DAB1: variants seen among roughly 807,000 people sequenced by gnomAD.
DAB1 encodes the protein DAB adaptor protein 1.
In DAB1, 15 loss-of-function variants were observed where a neutral mutation model predicts 64.6. The observed-to-expected ratio is 0.23, with a 90% CI of 0.16 to 0.36. The LOEUF (loss-of-function observed/expected upper bound fraction) is 0.36, where lower values mean the gene tolerates loss of function less well. DAB1 is among the 10% of genes least tolerant of loss of function. DAB1 has a pLI of 1.00. For synonymous variants in DAB1, 235 were observed against 251.9 expected (o/e 0.93, Z 0.64); for missense variants, 596 against 706.7 (o/e 0.84, Z 1.78).
At chr1:57,208,579 C>G (rs2100318747) in intron 2 of DAB1, among the ~76,000 whole-genome samples, 1 of 152,310 alleles carries the variant, frequency 6.6e-6, no homozygotes, top group South Asian at 2.1e-4. Flanking sequence ...GTACCTCAAC[C>G]ATCTCTGTAG....
intron 5 of DAB1, among the ~76,000 whole-genome samples, chr1:58,047,564 T>A (rs192188359): frequency 6.6e-6 from 1 of 152,204 alleles, no homozygotes; most frequent in Non-Finnish European, 1.5e-5. Flanking sequence ...ATTGAAAGCA[T>A]AGATACTAAT....
intron 1 of DAB1, among the ~76,000 whole-genome samples, chr1:57,422,436 A>G (rs1388104873): frequency 1.3e-5 from 2 of 151,508 alleles, no homozygotes. Flanking sequence ...CAAGCCCTAC[A>G]TCGCCCCTCT....
chr1:57,679,990 G>GA (rs1020528987), intron 6 of DAB1, among the ~76,000 whole-genome samples: 1 of 152,196 alleles, frequency 6.6e-6, no homozygotes, highest in Non-Finnish European at 1.5e-5. Context: ...GTAAATAGGT[G>GA]AATGGGAATT....
chr1:58,127,416 T>G (rs1318968884), intron 5 of DAB1, among the ~76,000 whole-genome samples: 1 of 151,296 alleles, frequency 6.6e-6, no homozygotes, highest in East Asian at 1.9e-4. Context: ...GGTTGCCTGT[T>G]CACTCTGATG....
rs549696144 is a variant in DAB1, at chr1:57,566,330, T to C, written n.625+83262A>G. Among the ~76,000 whole-genome samples the C allele has an allele frequency of 1.8e-4, 28 of 152,210 alleles. No homozygotes were observed. In the South Asian group the frequency reaches 5.6e-3, roughly 31 times the overall value. ...TGCCCAAAAGAGAAAGGAGGAAAGATCTAAAATTGACAACCTAACATCACA... is the reference window on the plus strand; with the variant it reads ...TGCCCAAAAGAGAAAGGAGGAAAGACCTAAAATTGACAACCTAACATCACA... On this transcript the variant is annotated intron_variant and non_coding_transcript_variant, in intron 7 of 20. Transcript: ENST00000485760.
rs557130584 is a variant in DAB1 at position 58,489,808 on chromosome 1, C to T, written n.257+16252G>A. On this transcript the variant is annotated intron_variant and non_coding_transcript_variant, in intron 3 of 20. Transcript: ENST00000485760. ...CCAATATCCGCTGTTCTGCAGCCTC[C>T]GCTGCTGATATCCAGGCAAACAGGG... Among the ~76,000 whole-genome samples, 11 of 152,330 alleles carry T rather than the reference C, an allele frequency of 7.2e-5. No homozygotes were observed. In the East Asian group the frequency reaches 1.7e-3, roughly 24 times the overall value.
intron 4 of DAB1, among the ~76,000 whole-genome samples, chr1:58,214,471 G>A (rs1309284811): frequency 1.3e-5 from 2 of 152,198 alleles, no homozygotes; most frequent in African/African-American, 4.8e-5. Flanking sequence ...TACCAGGAGA[G>A]TGTGGCAGAG....
intron 5 of DAB1, among the ~76,000 whole-genome samples, chr1:57,902,722 T>C (rs1644493916): frequency 1.3e-5 from 2 of 152,202 alleles, no homozygotes; most frequent in Admixed American, 1.3e-4. Context: ...AAATTTATCA[T>C]CTGGTGTTCA....
intron 3 of DAB1, among the ~76,000 whole-genome samples, chr1:58,447,976 T>C (rs1457756430): frequency 1.3e-5 from 2 of 151,880 alleles, no homozygotes; most frequent in Non-Finnish European, 1.5e-5. Flanking sequence ...TACCTTGCCA[T>C]TCCCCCGGGG....
chr1:58,531,603 T>A (rs912595314), intron 1 of DAB1, among the ~76,000 whole-genome samples: 3 of 152,210 alleles, frequency 2.0e-5, no homozygotes, highest in Non-Finnish European at 4.4e-5. Flanking sequence ...CTTAGAATAT[T>A]GTCCCTTAAC....
At chr1:57,384,988 T>TC (rs35357936) in intron 1 of DAB1, among the ~76,000 whole-genome samples, 1 of 152,130 alleles carries the variant, frequency 6.6e-6, no homozygotes, top group Non-Finnish European at 1.5e-5. Context: ...ATGTACATAC[T>TC]CCCCCATGCT....
intron 6 of DAB1, among the ~76,000 whole-genome samples, chr1:57,687,960 C>A (rs1646720700): frequency 6.6e-6 from 1 of 152,010 alleles, no homozygotes; most frequent in Non-Finnish European, 1.5e-5. Flanking sequence ...TATAAAAATC[C>A]TAGAAGAAAA....
intron 4 of DAB1, among the ~76,000 whole-genome samples, chr1:58,284,547 G>A (rs1039635972): frequency 5.3e-5 from 8 of 152,268 alleles, no homozygotes; most frequent in African/African-American, 1.7e-4. Flanking sequence ...CTTACCTTGT[G>A]CCCATGGCAC....
chr1:57,368,820 G>A (rs1003242256), intron 1 of DAB1, among the ~76,000 whole-genome samples: 7 of 152,006 alleles, frequency 4.6e-5, no homozygotes, highest in African/African-American at 1.4e-4. Context: ...ACAGAAAGGC[G>A]ACACCTCAAA....
At chr1:57,048,569 C>T (rs1323600244) in intron 9 of DAB1, among the ~76,000 whole-genome samples, 1 of 152,146 alleles carries the variant, frequency 6.6e-6, no homozygotes, top group Admixed American at 6.5e-5. Context: ...TTCTCCTACC[C>T]ACGTAATAAC....
At chr1:58,332,714 T>C (rs986133008) in intron 4 of DAB1, among the ~76,000 whole-genome samples, 11 of 152,004 alleles carry the variant, frequency 7.2e-5, no homozygotes. Context: ...TCAAATACAA[T>C]CAGGACAGAA....
chr1:57,918,279 T>C (rs1349436978), intron 5 of DAB1, among the ~76,000 whole-genome samples: 1 of 152,146 alleles, frequency 6.6e-6, no homozygotes, highest in East Asian at 1.9e-4. Flanking sequence ...TGTTTTGCTG[T>C]AACAGAAAAT....
chr1:58,284,870 C>A (rs1377867821), intron 4 of DAB1, among the ~76,000 whole-genome samples: 2 of 152,204 alleles, frequency 1.3e-5, no homozygotes, highest in African/African-American at 4.8e-5. Flanking sequence ...AGAGGGTACA[C>A]CTTCTGACTG....
At chr1:57,734,826 A>G (rs1647607564) in intron 6 of DAB1, among the ~76,000 whole-genome samples, 1 of 152,250 alleles carries the variant, frequency 6.6e-6, no homozygotes, top group South Asian at 2.1e-4. Flanking sequence ...ACCAGTAAAC[A>G]ACAAAAAGCA....
Sources: gnomAD v4.1 joint callset for allele counts (sites outside exome capture counted in the v4.1 genomes callset) on GRCh38, gnomAD v4.1.1 for gene constraint, MANE v1.5 for transcripts, NCBI Gene and HGNC (gene_info 2026-07-23, HGNC 2026-07-21) for gene names.